KLHL26: variants seen among roughly 807,000 people sequenced by gnomAD.
KLHL26 encodes kelch-like protein 26.
Under a neutral mutation model 7.1 loss-of-function variants are expected in KLHL26, and 4 were observed. That is an observed-to-expected ratio of 0.56 (90% CI 0.28 to 1.28). The LOEUF (loss-of-function observed/expected upper bound fraction) is 1.28. KLHL26 is among the 50% of genes most tolerant of loss of function. The pLI, the probability that KLHL26 is intolerant of heterozygous loss-of-function variation, is 0.11. For missense variants in KLHL26, 896 were observed against 924.6 expected, an observed-to-expected ratio of 0.97 and a Z score of 0.40; for synonymous variants, 465 against 414.1, an observed-to-expected ratio of 1.12 and a Z score of -1.49.
intron 1 of KLHL26, among the ~76,000 whole-genome samples, chr19:18,638,373 G>A (rs921492015): frequency 2.0e-5 from 3 of 152,192 alleles, no homozygotes; most frequent in Admixed American, 2.0e-4. Flanking sequence ...GGAGGCAAAG[G>A]CCCTGCCTGT....
Position 18,669,141 on chromosome 19 carries a change from A to C in KLHL26, c.1744A>C (p.Asn582His). 6.2e-7 allele frequency: 1 copy of C among 1,612,896 alleles called. No homozygotes were observed. Among genetic ancestry groups the C allele is most frequent in the Non-Finnish European group, 8.5e-7 (1 of 1,179,960 alleles). ...NNVTGIVQVY[N>H]TDTDEWERDL... ...CGTCACGGGCATCGTACAGGTGTAC[A>C]ACACGGACACCGACGAGTGGGAGCG... is the stretch of plus-strand genomic sequence containing the variant. The change falls in exon 3 of 3, where the codon AAC becomes CAC. Residue 582 changes from asparagine (N) to histidine (H), a missense_variant. Physicochemically the swap from Asn to His is moderately conservative, Grantham distance 68. Transcript: ENST00000300976.
Position 18,668,618 on chromosome 19 carries a change from G to T in KLHL26, c.1221G>T (p.Gln407His). The T allele has an allele frequency of 6.3e-7, 1 of 1,584,212 alleles. No individual in the cohort carries two copies. The highest frequency in any genetic ancestry group is 8.5e-7 in the Non-Finnish European group (1 of 1,171,534). The part of the protein sequence containing the change: ...QAMQESRIQF[Q>H]LNVLCGMVYA... ...TGCAGGAAAGCCGCATCCAGTTCCA[G>T]CTGAACGTGCTGTGCGGCATGGTGT... The change falls in exon 3 of 3, where the codon CAG (glutamine) becomes CAT (histidine). Residue 407 changes from glutamine to histidine, a missense_variant. Transcript: ENST00000300976.
rs2052249203 is a variant in KLHL26 at position 18,650,993 on chromosome 19, C to T, written c.84-13268C>T. Among the ~76,000 whole-genome samples, 1 of 152,080 alleles carries T rather than the reference C, an allele frequency of 6.6e-6. No individual in the cohort carries two copies. The highest frequency in any genetic ancestry group is 1.5e-5 in the Non-Finnish European group (1 of 67,998). ...TTTTTCCAGAGGCTCGTCTGGAATG[C>T]CGTGGCTGGATCTGAGCCTCCTGAC... On this transcript the variant is annotated intron_variant, in intron 1 of 2. Coordinates refer to ENST00000300976, the MANE Select transcript of KLHL26 (RefSeq NM_018316.3). The surrounding 1 kb of genome is among the most constrained non-coding windows in gnomAD (Gnocchi z 4.2).
rs953436263 is a variant in KLHL26 at position 18,646,748 on chromosome 19, G to A, written c.83+9611G>A. Among the ~76,000 whole-genome samples, 1 of 152,340 alleles carries A rather than the reference G, an allele frequency of 6.6e-6. No individual in the cohort carries two copies. Among genetic ancestry groups the A allele is most frequent in the Non-Finnish European group, 1.5e-5 (1 of 68,034 alleles). On this transcript the variant is annotated intron_variant, in intron 1 of 2. Transcript: ENST00000300976. The surrounding 1 kb of genome is among the most constrained non-coding windows in gnomAD (Gnocchi z 5.0). ...TGCCCGCATGGGCCTTGAGGGGATC[G>A]TCAATGCCAGCAAGCCTTGATGTGG...
chr19:18,658,543 G>GTC (rs1228948514), intron 1 of KLHL26, among the ~76,000 whole-genome samples: 1 of 116,182 alleles, frequency 8.6e-6, no homozygotes, highest in East Asian at 2.5e-4. Context: ...CTCTCCCTGG[G>GTC]TCTCTGTCTC....
chr19:18,641,316 C>CTTT (rs61471216), intron 1 of KLHL26, among the ~76,000 whole-genome samples: 25 of 105,104 alleles, frequency 2.4e-4, no homozygotes, highest in African/African-American at 4.4e-4. Flanking sequence ...GTTGGGTTGC[C>CTTT]TTTTTTTTTT....
In KLHL26 at chr19:18,664,280, G is replaced by T; in HGVS notation, c.103G>T (p.Ala35Ser). The change falls in exon 2 of 3, where the codon GCC becomes TCC. Residue 35 changes from alanine (A) to serine (S), a missense_variant. By Grantham distance (99) the Ala-to-Ser change is moderately conservative (BLOSUM62 1). Transcript: ENST00000300976. ...RPNSTADKNG[A>S]LKCTFSAPSH... Reference sequence around the variant, plus strand: ...CCGCAGCACGGCCGACAAGAACGGGGCCCTCAAGTGCACCTTCTCGGCACC... The same window carrying T: ...CCGCAGCACGGCCGACAAGAACGGGTCCCTCAAGTGCACCTTCTCGGCACC... 1.2e-6 allele frequency: 2 copies of T among 1,603,750 alleles called. No homozygotes were observed. The highest frequency in any genetic ancestry group is 1.3e-5 in the African/African-American group (1 of 74,906).
At chr19:18,638,742 C>CTAGA (rs1429953706) in intron 1 of KLHL26, among the ~76,000 whole-genome samples, 1 of 152,078 alleles carries the variant, frequency 6.6e-6, no homozygotes, top group Admixed American at 6.6e-5. Flanking sequence ...ACCCAGGTAT[C>CTAGA]TAGGCTGGAG....
chr19:18,640,190 GTAAATACT>G (rs1440188699), intron 1 of KLHL26, among the ~76,000 whole-genome samples: 1 of 151,968 alleles, frequency 6.6e-6, no homozygotes, highest in African/African-American at 2.4e-5. Flanking sequence ...ATCCTCTTGG[GTAAATACT>G]TAAGAGTAGA....
Position 18,668,855 on chromosome 19 carries a change from C to T in KLHL26, c.1458C>T (p.Asp486=), listed in dbSNP as rs773088615. Residue 486 remains aspartate (D), a synonymous_variant, in exon 3 of 3, where the codon GAC becomes GAT. Coordinates refer to ENST00000300976, the MANE Select transcript of KLHL26 (RefSeq NM_018316.3). ...KALHCYDPVA[D]QWEFKAPMSE... The stretch of plus-strand genomic sequence containing the variant: ...TGCACTGCTACGACCCCGTGGCCGA[C>T]CAGTGGGAGTTCAAGGCGCCCATGA... 1.9e-6 allele frequency: 3 copies of T among 1,592,776 alleles called. No homozygotes were observed. The highest frequency in any genetic ancestry group is 4.5e-5 in the East Asian group (2 of 44,746).
chr19:18,660,091 C>T (rs1395296283), intron 1 of KLHL26, among the ~76,000 whole-genome samples: 1 of 151,956 alleles, frequency 6.6e-6, no homozygotes, highest in East Asian at 1.9e-4. Context: ...ACAGGTGGTC[C>T]ACCTGGGGGA....
intron 2 of KLHL26, among the ~76,000 whole-genome samples, chr19:18,666,111 G>A (rs749833183): frequency 6.6e-6 from 1 of 152,230 alleles, no homozygotes; most frequent in East Asian, 1.9e-4. Flanking sequence ...TGCCTTCATC[G>A]CATCATGCCC....
intron 1 of KLHL26, among the ~76,000 whole-genome samples, chr19:18,652,072 T>C (rs1862646): frequency 0.85 from 129,678 of 152,192 alleles, 55,346 homozygotes; most frequent in East Asian, 0.97. Flanking sequence ...AGGTGCTGAG[T>C]GCAGAAATGC....
In KLHL26 at chr19:18,656,459, T is replaced by C. The variant is rs910147692; in HGVS notation, c.84-7802T>C. 1.3e-5 allele frequency among the ~76,000 whole-genome samples: 2 copies of C among 151,852 alleles called. No individual in the cohort carries two copies. The highest frequency in any genetic ancestry group is 4.8e-5 in the African/African-American group (2 of 41,274). ...GCTGTCTGGGGGTGCCAGCCCTGGG[T>C]ACAGTGGCCTCCTGCTAGGCACTCC... On this transcript the variant is annotated intron_variant, in intron 1 of 2. Coordinates refer to ENST00000300976, the MANE Select transcript of KLHL26 (RefSeq NM_018316.3). This position sits in a 1 kb window ranked among gnomAD's most constrained non-coding sequence, Gnocchi z 4.4.
At position 18,667,872 on chromosome 19, in the gene KLHL26, G is replaced by A; in HGVS notation, c.475G>A (p.Ala159Thr). 6.2e-7 allele frequency: 1 copy of A among 1,612,728 alleles called. No homozygotes were observed. Residue 159 changes from alanine (A) to threonine (T), a missense_variant, in exon 3 of 3, where the codon GCC becomes ACC. By Grantham distance (58) the Ala-to-Thr change is moderately conservative. Coordinates refer to ENST00000300976, the MANE Select transcript of KLHL26 (RefSeq NM_018316.3). ...VELCEEFLKA[A>T]MSVETCLNIG... ...GCTGTGCGAGGAGTTCCTGAAGGCGGCCATGAGCGTGGAGACCTGCCTCAA... is the reference window on the plus strand; with the variant it reads ...GCTGTGCGAGGAGTTCCTGAAGGCGACCATGAGCGTGGAGACCTGCCTCAA...
In KLHL26 at chr19:18,668,144, C is replaced by T; in HGVS notation, c.747C>T (p.Cys249=). 1 of 1,606,478 alleles carries T rather than the reference C, an allele frequency of 6.2e-7. No individual in the cohort carries two copies. Among genetic ancestry groups the T allele is most frequent in the East Asian group, 2.2e-5 (1 of 44,820 alleles). ...ARRPRASHVL[C]HIRFPLMQSS... The stretch of plus-strand genomic sequence containing the variant: ...GGCCGCGCGCCAGCCACGTGCTCTG[C>T]CACATTCGCTTCCCGCTCATGCAGT... Residue 249 remains cysteine (C), a synonymous_variant, in exon 3 of 3, where the codon TGC becomes TGT. Coordinates refer to ENST00000300976, the MANE Select transcript of KLHL26 (RefSeq NM_018316.3).
intron 1 of KLHL26, among the ~76,000 whole-genome samples, chr19:18,654,299 A>G (rs970625360): frequency 7.2e-6 from 1 of 138,800 alleles, no homozygotes; most frequent in Non-Finnish European, 1.6e-5. Context: ...CCACCTGCCT[A>G]CCACTATCCA....
intron 1 of KLHL26, among the ~76,000 whole-genome samples, chr19:18,642,605 C>T (rs1600682676): frequency 6.6e-6 from 1 of 152,170 alleles, no homozygotes; most frequent in East Asian, 1.9e-4. Context: ...CTCAGGTGAT[C>T]TGCCTGCCTG....
At chr19:18,664,482 C>T in intron 2 of KLHL26, 39 bp downstream of exon 2, 2 of 1,507,778 alleles carry the variant, frequency 1.3e-6, no homozygotes, top group Non-Finnish European at 1.8e-6. Context: ...GGGCGGCTGC[C>T]TGTTGGGACA....
Sources: gnomAD v4.1 joint callset for allele counts (sites outside exome capture counted in the v4.1 genomes callset) on GRCh38, gnomAD v4.1.1 for gene constraint, Gnocchi (gnomAD v3.1) non-coding constraint, MANE v1.5 for transcripts, NCBI Gene and HGNC (gene_info 2026-07-23, HGNC 2026-07-21) for gene names.